Variants in MOXD1 observed in about 807,000 individuals in gnomAD.
The protein encoded by MOXD1 is monooxygenase DBH like 1, also known as DBH-like monooxygenase protein 1.
MOXD1 carries 62 observed loss-of-function variants against 66.6 expected under a neutral mutation model. The observed-to-expected ratio is 0.93, with a 90% confidence interval of 0.76 to 1.15. The LOEUF is 1.15. MOXD1 is among the 50% of genes most tolerant of loss of function. The pLI is 0.00. For missense variants in MOXD1, 847 were observed against 754.6 expected, an observed-to-expected ratio of 1.12 and a Z score of -1.44; for synonymous variants, 303 against 281.9, an observed-to-expected ratio of 1.07 and a Z score of -0.75.
At chr6:132,375,087 A>G (rs930157986) in intron 1 of MOXD1, 9 of 442,698 alleles carry the variant, frequency 2.0e-5, no homozygotes, top group Middle Eastern at 1.1e-3. Flanking sequence ...GGACTATAGC[A>G]CTATGAAATG....
chr6:132,303,919 C>A (rs1774629819), intron 10 of MOXD1, among the ~76,000 whole-genome samples: 3 of 129,954 alleles, frequency 2.3e-5, no homozygotes, highest in Non-Finnish European at 3.2e-5. Flanking sequence ...TCTGGGTGGC[C>A]CTGGACCAAT....
chr6:132,373,178 T>C (rs1021146811), intron 2 of MOXD1, among the ~76,000 whole-genome samples, 181 bp from the exon 3 acceptor site: 1 of 152,202 alleles, frequency 6.6e-6, no homozygotes, highest in African/African-American at 2.4e-5. Flanking sequence ...TCATTAAGGA[T>C]CCAAATATAT....
At chr6:132,398,619 A>C (rs886221818) in intron 1 of MOXD1, among the ~76,000 whole-genome samples, 4 of 152,178 alleles carry the variant, frequency 2.6e-5, no homozygotes, top group African/African-American at 9.7e-5. Context: ...GAAGTCTACT[A>C]ATAGAATCAA....
Position 132,372,647 on chromosome 6 carries a change from A to T in MOXD1, c.624T>A (p.Phe208Leu). The change falls in exon 4 of 12, where the codon TTT becomes TTA. Residue 208 changes from phenylalanine (F) to leucine (L), a missense_variant. By Grantham distance (22) the Phe-to-Leu change is conservative. Transcript: ENST00000367963. ...GCTTTTCTTGGAACACAGGAATCTT[A>T]AACATTTGGCACCAATATGTTGTAT... ...NKDTTYWCQM[F>L]KIPVFQEKHH... is the part of the protein sequence containing the mutation. The T allele has an allele frequency of 1.2e-6, 2 of 1,613,930 alleles. No individual in the cohort carries two copies. Among genetic ancestry groups the T allele is most frequent in the South Asian group, 1.1e-5 (1 of 91,080 alleles).
rs78267317 is a variant in MOXD1 at position 132,384,303 on chromosome 6, C to T, written c.265-9526G>A. Among the ~76,000 whole-genome samples the T allele has an allele frequency of 1.7e-3, 191 of 113,058 alleles. 1 individual carries two copies. The highest frequency in any genetic ancestry group is 4.3e-3 in the African/African-American group (128 of 30,040). 74.2% of individuals were successfully genotyped at this position (113,058 alleles called of 152,430 possible). On this transcript the variant is annotated intron_variant, in intron 1 of 11. Transcript: ENST00000367963. ...CTTCCTTCCTTCCTCCTTCCTTCCTCCCTCCCTCCCTTTCATTCTTCCTTT... is the reference window on the plus strand; with the variant it reads ...CTTCCTTCCTTCCTCCTTCCTTCCTTCCTCCCTCCCTTTCATTCTTCCTTT...
chr6:132,388,291 T>C (rs919621222), intron 1 of MOXD1, among the ~76,000 whole-genome samples: 1 of 151,432 alleles, frequency 6.6e-6, no homozygotes, highest in African/African-American at 2.4e-5. Context: ...ATGATCTCCC[T>C]TCTTCACAGA....
intron 2 of MOXD1, 57 bp downstream of exon 2, chr6:132,374,574 T>C (rs552465014): frequency 4.7e-4 from 703 of 1,495,622 alleles, no homozygotes; most frequent in Non-Finnish European, 6.2e-4. Flanking sequence ...TTTAAAGTGC[T>C]TCACAAGTGT....
chr6:132,395,671 A>G (rs1776855511), intron 1 of MOXD1, among the ~76,000 whole-genome samples: 1 of 152,206 alleles, frequency 6.6e-6, no homozygotes, highest in African/African-American at 2.4e-5. Flanking sequence ...CTGAAATTAA[A>G]GGATGGGAAA....
chr6:132,335,624 C>G (rs555343688), intron 4 of MOXD1, among the ~76,000 whole-genome samples: 1 of 152,238 alleles, frequency 6.6e-6, no homozygotes, highest in Admixed American at 6.5e-5. Flanking sequence ...GGAACCTGGC[C>G]CTGCCTATAT....
At chr6:132,332,861 T>G (rs971186915) in intron 4 of MOXD1, among the ~76,000 whole-genome samples, 2 of 152,192 alleles carry the variant, frequency 1.3e-5, no homozygotes, top group African/African-American at 4.8e-5. Context: ...CAAGGCACCA[T>G]CTGAGGAAGC....
intron 10 of MOXD1, among the ~76,000 whole-genome samples, chr6:132,311,641 TCA>T (rs1774832632): frequency 6.6e-6 from 1 of 152,068 alleles, no homozygotes; most frequent in African/African-American, 2.4e-5. Context: ...CAACAAATGT[TCA>T]GTTTTACTTT....
At position 132,401,398 on chromosome 6, in the gene MOXD1, CA is replaced by C; in HGVS notation, c.28del (p.Trp10GlyfsTer89). 1 of 1,527,258 alleles carries C rather than the reference CA, an allele frequency of 6.5e-7. No homozygotes were observed. Among genetic ancestry groups the C allele is most frequent in the Non-Finnish European group, 8.7e-7 (1 of 1,143,102 alleles). 94.6% of individuals were successfully genotyped at this position (1,527,258 alleles called of 1,614,324 possible). MCCWPLLLL[W>X]GLLPGTAAGG... ...CGCCGCCGTCCCGGGGAGCAGCCCC[CA>C]CAGCAGGAGCAGCGGCCAGCAGCAC... is the stretch of plus-strand genomic sequence containing the variant. On this transcript the variant is annotated frameshift_variant, in exon 1 of 12. Coordinates refer to ENST00000367963, the MANE Select transcript of MOXD1 (RefSeq NM_015529.4). LOFTEE classifies it high-confidence loss of function.
At chr6:132,313,354 T>C (rs1774872428) in intron 10 of MOXD1, among the ~76,000 whole-genome samples, 1 of 152,210 alleles carries the variant, frequency 6.6e-6, no homozygotes, top group Admixed American at 6.5e-5. Context: ...ATAAACCAAT[T>C]TATGTAAGCA....
At chr6:132,316,149 T>G (rs1252079532) in intron 9 of MOXD1, among the ~76,000 whole-genome samples, 1 of 144,742 alleles carries the variant, frequency 6.9e-6, no homozygotes, top group East Asian at 2.1e-4. Flanking sequence ...TCTTCATGTG[T>G]ATAAACATTA....
At chr6:132,336,801 AC>A (rs1201629682) in intron 4 of MOXD1, among the ~76,000 whole-genome samples, 1 of 151,888 alleles carries the variant, frequency 6.6e-6, no homozygotes, top group Non-Finnish European at 1.5e-5. Context: ...GAAATAACTC[AC>A]CCCTTACTGT....
chr6:132,297,144 G>A lies in MOXD1; in HGVS notation c.*9C>T, dbSNP rs1433753740. The A allele has an allele frequency of 1.9e-6, 3 of 1,612,436 alleles. No homozygotes were observed. The highest frequency in any genetic ancestry group is 2.5e-6 in the Non-Finnish European group (3 of 1,179,104). On this transcript the variant is annotated 3_prime_UTR_variant, in exon 12 of 12. Coordinates refer to ENST00000367963, the MANE Select transcript of MOXD1 (RefSeq NM_015529.4). ...ATAGAAAACATTGTCAAGTCCAACAGAATTTTGATCACAAGCTCTTGGTGC... is the reference window on the plus strand; with the variant it reads ...ATAGAAAACATTGTCAAGTCCAACAAAATTTTGATCACAAGCTCTTGGTGC...
At chr6:132,307,577 T>G (rs1367905647) in intron 10 of MOXD1, among the ~76,000 whole-genome samples, 1 of 152,164 alleles carries the variant, frequency 6.6e-6, no homozygotes, top group African/African-American at 2.4e-5. Context: ...TTCTTCTCAG[T>G]GCCACATGGC....
intron 4 of MOXD1, among the ~76,000 whole-genome samples, chr6:132,359,582 G>A (rs1397110061): frequency 6.6e-6 from 1 of 151,386 alleles, no homozygotes; most frequent in African/African-American, 2.4e-5. Flanking sequence ...CGCCTCCCGG[G>A]TTCACACCAT....
intron 4 of MOXD1, among the ~76,000 whole-genome samples, chr6:132,356,510 T>C (rs1030594916): frequency 6.6e-6 from 1 of 152,202 alleles, no homozygotes; most frequent in African/African-American, 2.4e-5. Context: ...TTCAATCCAT[T>C]TAGCAATCTA....
Sources: gnomAD v4.1 joint callset for allele counts (sites outside exome capture counted in the v4.1 genomes callset) on GRCh38, gnomAD v4.1.1 for gene constraint, MANE v1.5 for transcripts, NCBI Gene and HGNC (gene_info 2026-07-23, HGNC 2026-07-21) for gene names.